The following GAP43 variants were observed in gnomAD, a reference collection of about 807,000 sequenced individuals.
The protein encoded by GAP43 is neuromodulin.
A neutral mutation model predicts 18.6 loss-of-function variants in GAP43; 6 were observed. The observed-to-expected ratio is 0.32, with a 90% confidence interval of 0.18 to 0.64. GAP43 has a LOEUF of 0.64. GAP43 is among the 30% of genes least tolerant of loss of function. GAP43 has a pLI of 0.78. For missense variants in GAP43, 292 were observed against 295.5 expected (o/e 0.99, Z 0.09); for synonymous variants, 115 against 111.4 (o/e 1.03, Z -0.20).
chr3:115,634,216 C>T (rs894693088), intron 1 of GAP43, among the ~76,000 whole-genome samples: 1 of 152,066 alleles, frequency 6.6e-6, no homozygotes, highest in South Asian at 2.1e-4. Context: ...ACTCAGAAAT[C>T]GGTTGCTTTT....
At chr3:115,708,940 G>GTTTTTTTTTTTTTTTTTT (rs3086974) in intron 2 of GAP43, among the ~76,000 whole-genome samples, 40 of 99,784 alleles carry the variant, frequency 4.0e-4, no homozygotes, top group African/African-American at 6.2e-4. Context: ...AACTGGCTGG[G>GTTTTTTTTTTTTTTTTTT]TTTTTTTTTT....
intron 2 of GAP43, among the ~76,000 whole-genome samples, chr3:115,720,122 A>G (rs557483252): frequency 5.3e-5 from 8 of 152,160 alleles, no homozygotes; most frequent in East Asian, 1.9e-4. Flanking sequence ...GGAGTGGTAC[A>G]GTCACTCAGT....
chr3:115,673,988 C>T (rs1708846960), intron 1 of GAP43, among the ~76,000 whole-genome samples: 1 of 152,162 alleles, frequency 6.6e-6, no homozygotes, highest in Non-Finnish European at 1.5e-5. Flanking sequence ...GTTGATGGTC[C>T]TATGCAGCAA....
intron 2 of GAP43, among the ~76,000 whole-genome samples, chr3:115,696,581 C>A (rs183147564): frequency 5.7e-5 from 7 of 121,986 alleles, no homozygotes; most frequent in Non-Finnish European, 8.5e-5. Flanking sequence ...CCCCACCGCC[C>A]CCCCCCCCCA....
chr3:115,663,092 G>A (rs1708686275), intron 1 of GAP43, among the ~76,000 whole-genome samples: 1 of 152,152 alleles, frequency 6.6e-6, no homozygotes, highest in African/African-American at 2.4e-5. Flanking sequence ...GAACTACACA[G>A]TCATCAAACA....
chr3:115,696,063 C>T (rs1416832953), intron 2 of GAP43, among the ~76,000 whole-genome samples: 1 of 152,052 alleles, frequency 6.6e-6, no homozygotes, highest in African/African-American at 2.4e-5. Flanking sequence ...TTCTCTCTCT[C>T]TCTCTTTTTT....
At chr3:115,705,312 C>T (rs1709346125) in intron 2 of GAP43, among the ~76,000 whole-genome samples, 1 of 152,022 alleles carries the variant, frequency 6.6e-6, no homozygotes, top group Non-Finnish European at 1.5e-5. Flanking sequence ...GTATTTTAAC[C>T]CTGGTGTCAG....
chr3:115,624,322 G>A (rs1708156656), intron 1 of GAP43, among the ~76,000 whole-genome samples: 1 of 150,534 alleles, frequency 6.6e-6, no homozygotes. Context: ...TTTAAGAGAA[G>A]CTAAGACAAC....
At position 115,721,193 on chromosome 3, in the gene GAP43, A is replaced by T. The variant is rs1709574331; in HGVS notation, c.*311A>T. The T allele has an allele frequency of 5.6e-6, 1 of 178,096 alleles. No individual in the cohort carries two copies. The highest frequency in any genetic ancestry group is 2.4e-5 in the African/African-American group (1 of 42,078). 11.0% of individuals were successfully genotyped at this position (178,096 alleles called of 1,614,324 possible). On this transcript the variant is annotated 3_prime_UTR_variant, in exon 3 of 3. Coordinates refer to ENST00000305124, the MANE Select transcript of GAP43 (RefSeq NM_002045.4). ...TCTTGCACTGTATCCAAGTTATTTG[A>T]TCTGGTGCGTGTGGCCCTGTGGGAG... is the stretch of plus-strand genomic sequence containing the variant.
chr3:115,698,287 A>ATAAT (rs1709247656), intron 2 of GAP43, among the ~76,000 whole-genome samples: 1 of 37,858 alleles, frequency 2.6e-5, no homozygotes, highest in African/African-American at 7.9e-5. Context: ...ATATAAATAT[A>ATAAT]ATATATATAT....
chr3:115,721,117 GTGT>G lies in GAP43; in HGVS notation c.*240_*242del, dbSNP rs1709572727. The G allele has an allele frequency of 7.7e-6, 2 of 261,254 alleles. No individual in the cohort carries two copies. Among genetic ancestry groups the G allele is most frequent in the African/African-American group, 4.5e-5 (2 of 44,684 alleles). The allele number at this position is 261,254 out of a possible 1,614,324, so 16.2% of individuals were successfully genotyped here. On this transcript the variant is annotated 3_prime_UTR_variant, in exon 3 of 3. Transcript: ENST00000305124. Reference sequence around the variant, plus strand: ...TGGCTTAAACATTTTTTGTTTCTTGGTGTTGTTATGGCAAGTTTTTGGTAATGA... The same window carrying G: ...TGGCTTAAACATTTTTTGTTTCTTGGTGTTATGGCAAGTTTTTGGTAATGA...
rs139915063 is a variant in GAP43 at position 115,704,871 on chromosome 3, A to T, written c.629-15923A>T. ...GAGAATAAGGAACTGAAATCAGATC[A>T]TCTCTAAGGTCTCCTTCAGCTTCTG... On this transcript the variant is annotated intron_variant, in intron 2 of 2. Coordinates refer to ENST00000305124, the MANE Select transcript of GAP43 (RefSeq NM_002045.4). 4.8e-3 allele frequency among the ~76,000 whole-genome samples: 736 copies of T among 152,274 alleles called. 2 individuals are homozygous for T. Among genetic ancestry groups the T allele is most frequent in the African/African-American group, 0.016 (672 of 41,564 alleles).
intron 1 of GAP43, among the ~76,000 whole-genome samples, chr3:115,636,100 C>A (rs1205642611): frequency 6.6e-6 from 1 of 152,110 alleles, no homozygotes; most frequent in East Asian, 1.9e-4. Flanking sequence ...ATAAGAATAC[C>A]AATAGGAAAA....
In GAP43 at chr3:115,642,406, A is replaced by ATT. The variant is rs138534824; in HGVS notation, c.30+18701_30+18702dup. Reference sequence around the variant, plus strand: ...CTATGCTGGGTACTGGAAATACAGAATTTTTTTTTTTTTTTAAAGAAACAC... The same window carrying ATT: ...CTATGCTGGGTACTGGAAATACAGAATTTTTTTTTTTTTTTTTAAAGAAACAC... On this transcript the variant is annotated intron_variant, in intron 1 of 2. Transcript: ENST00000305124. 5.9e-3 allele frequency among the ~76,000 whole-genome samples: 863 copies of ATT among 145,184 alleles called. 7 individuals carry two copies. Among genetic ancestry groups the ATT allele is most frequent in the African/African-American group, 0.02 (814 of 40,028 alleles).
intron 1 of GAP43, among the ~76,000 whole-genome samples, chr3:115,630,091 G>T (rs1466749279): frequency 6.6e-6 from 1 of 152,078 alleles, no homozygotes; most frequent in African/African-American, 2.4e-5. Context: ...CACAACTCTG[G>T]ATCTTCACAT....
chr3:115,701,323 C>T (rs1353487714), intron 2 of GAP43, among the ~76,000 whole-genome samples: 1 of 152,088 alleles, frequency 6.6e-6, no homozygotes, highest in African/African-American at 2.4e-5. Context: ...ACTCACCACT[C>T]ACCATCTCTC....
intron 1 of GAP43, among the ~76,000 whole-genome samples, chr3:115,639,093 T>C (rs1217736882): frequency 2.0e-5 from 3 of 152,040 alleles, no homozygotes; most frequent in Admixed American, 6.6e-5. Context: ...GTGAGTAGTA[T>C]GAGATGGCAA....
At chr3:115,625,749 A>G (rs1175049504) in intron 1 of GAP43, among the ~76,000 whole-genome samples, 1 of 152,160 alleles carries the variant, frequency 6.6e-6, no homozygotes, top group African/African-American at 2.4e-5. Context: ...AGCCCCAAGC[A>G]TTCACTCTGA....
intron 2 of GAP43, among the ~76,000 whole-genome samples, chr3:115,715,818 T>C (rs1709495626): frequency 6.6e-6 from 1 of 152,218 alleles, no homozygotes; most frequent in South Asian, 2.1e-4. Flanking sequence ...GACTCCCTGC[T>C]TTAGTTATCA....
Sources: allele counts gnomAD v4.1 joint callset (sites outside exome capture counted in the v4.1 genomes callset), GRCh38; gene constraint gnomAD v4.1.1; transcripts MANE v1.5; gene names NCBI Gene and HGNC (gene_info 2026-07-23, HGNC 2026-07-21).